Variants in MYRFL observed in about 807,000 individuals in gnomAD.
The protein encoded by MYRFL is myelin regulatory factor-like protein.
In MYRFL, 88 loss-of-function variants were observed where a neutral mutation model predicts 109.4. The ratio of observed to expected loss-of-function variants is 0.80; its 90% CI spans 0.68 to 0.96. The LOEUF (loss-of-function observed/expected upper bound fraction) is 0.96, where lower values mean the gene tolerates loss of function less well. Among genes scored for constraint, MYRFL ranks in the 40% least tolerant of loss-of-function variants. The pLI is 0.00. For missense variants in MYRFL, 957 were observed against 954.9 expected (o/e 1.00, Z -0.03); for synonymous variants, 324 against 320.9 (o/e 1.01, Z -0.10).
rs71098067 is a variant in MYRFL at position 69,936,078 on chromosome 12, GTTTTTTTTTTTTT to G, written c.1917-18_1917-6del. The stretch of plus-strand genomic sequence containing the variant: ...TCTGGAAACAAATCTGCCACATAAT[GTTTTTTTTTTTTT>G]TTTTTTTTTTTTTTTTGACAGTGCT... On this transcript the variant is annotated intron_variant, in intron 16 of 24. Transcript: ENST00000552032. 376 of 893,920 alleles carry G rather than the reference GTTTTTTTTTTTTT, an allele frequency of 4.2e-4. 1 individual carries two copies. Among genetic ancestry groups the G allele is most frequent in the African/African-American group, 2.4e-3 (80 of 32,754 alleles). The allele number at this position is 893,920 out of a possible 1,614,324, so 55.4% of individuals were successfully genotyped here.
chr12:69,874,999 CATTT>C (rs1312957842), intron 2 of MYRFL, among the ~76,000 whole-genome samples: 4 of 149,000 alleles, frequency 2.7e-5, no homozygotes, highest in African/African-American at 9.8e-5. Flanking sequence ...AAGATATATA[CATTT>C]ATATCTTTAA....
intron 19 of MYRFL, among the ~76,000 whole-genome samples, chr12:69,939,177 G>A (rs1280339738): frequency 4.0e-4 from 60 of 150,318 alleles, no homozygotes; most frequent in South Asian, 8.7e-4. Context: ...GCTCGAACTG[G>A]GTGGAGCCCA....
At chr12:69,927,266 A>G (rs1955127198) in intron 14 of MYRFL, among the ~76,000 whole-genome samples, 2 of 152,024 alleles carry the variant, frequency 1.3e-5, no homozygotes, top group South Asian at 2.1e-4. Context: ...TTAAAAGTGG[A>G]AAAAAACCAT....
intron 2 of MYRFL, among the ~76,000 whole-genome samples, chr12:69,869,534 T>C (rs1885216008): frequency 6.6e-6 from 1 of 152,174 alleles, no homozygotes; most frequent in Non-Finnish European, 1.5e-5. Context: ...GATATATGGA[T>C]TTATATATAC....
intron 1 of MYRFL, among the ~76,000 whole-genome samples, chr12:69,849,694 A>G (rs1015236126): frequency 6.6e-6 from 1 of 152,208 alleles, no homozygotes; most frequent in Non-Finnish European, 1.5e-5. Flanking sequence ...TTGTCATTTC[A>G]GACTTTCTCT....
rs1886487089 is a variant in MYRFL, at chr12:69,886,855, C to T, written c.592C>T (p.Pro198Ser). Reference sequence around the variant, plus strand: ...GAGTCGCAGCAGTGAAGTCCAGGACCCTGACAGTGAGGGACAGAACAGAAT... The same window carrying T: ...GAGTCGCAGCAGTGAAGTCCAGGACTCTGACAGTGAGGGACAGAACAGAAT... ...SRSRSSEVQDPDSEGQNRMPT... is the reference protein window; with the variant it reads ...SRSRSSEVQDSDSEGQNRMPT... The change falls in exon 6 of 25, where the codon CCT (proline) becomes TCT (serine). Residue 198 changes from proline (P) to serine (S), a missense_variant. Transcript: ENST00000552032. 1 of 1,535,880 alleles carries T rather than the reference C, an allele frequency of 6.5e-7. No homozygotes were observed. The highest frequency in any genetic ancestry group is 8.7e-7 in the Non-Finnish European group (1 of 1,146,714).
At chr12:69,915,970 T>C (rs1182350903) in intron 13 of MYRFL, among the ~76,000 whole-genome samples, 1 of 152,120 alleles carries the variant, frequency 6.6e-6, no homozygotes, top group Non-Finnish European at 1.5e-5. Flanking sequence ...TGAACCTGTT[T>C]AAAGGTGAGG....
Position 69,879,114 on chromosome 12 carries a change from C to T in MYRFL, c.205+19C>T. On this transcript the variant is annotated intron_variant, in intron 3 of 24. Transcript: ENST00000552032. ...GTCAAAGGTGAGTGCGATCCACCTT[C>T]AGCACATCTGGCACTGTTGCTCTTC... 1.4e-6 allele frequency: 1 copy of T among 702,624 alleles called. No individual in the cohort carries two copies. Among genetic ancestry groups the T allele is most frequent in the East Asian group, 2.7e-5 (1 of 37,278 alleles). The allele number at this position is 702,624 out of a possible 1,614,324, so 43.5% of individuals were successfully genotyped here.
At position 69,955,486 on chromosome 12, in the gene MYRFL, T is replaced by C. The variant is rs140469417; in HGVS notation, c.2450+49T>C. ...AATTTCATTTTTATCATTAGTTGAATATGAAGTCTGGATTTACTTCACAAT... is the reference window on the plus strand; with the variant it reads ...AATTTCATTTTTATCATTAGTTGAACATGAAGTCTGGATTTACTTCACAAT... On this transcript the variant is annotated intron_variant, in intron 22 of 24. Transcript: ENST00000552032. 1,205 of 544,094 alleles carry C rather than the reference T, an allele frequency of 2.2e-3. 8 individuals are homozygous for C. The highest frequency in any genetic ancestry group is 0.021 in the African/African-American group (1,104 of 51,560). 33.7% of individuals were successfully genotyped at this position (544,094 alleles called of 1,614,324 possible). A position where few individuals can be genotyped will look rare whatever the true frequency, so the allele number is the denominator to read the frequency against.
chr12:69,852,882 T>G (rs1180077173), intron 1 of MYRFL, among the ~76,000 whole-genome samples: 1 of 152,092 alleles, frequency 6.6e-6, no homozygotes, highest in Non-Finnish European at 1.5e-5. Flanking sequence ...CAGCACATGT[T>G]TCAGAGAGCA....
At chr12:69,868,607 G>C (rs1489616716) in intron 2 of MYRFL, among the ~76,000 whole-genome samples, 2 of 152,184 alleles carry the variant, frequency 1.3e-5, no homozygotes, top group Non-Finnish European at 2.9e-5. Context: ...CAGTCTGCCA[G>C]CACAGAGCTG....
At chr12:69,884,103 C>T (rs10748140) in intron 5 of MYRFL, among the ~76,000 whole-genome samples, 2 of 151,884 alleles carry the variant, frequency 1.3e-5, no homozygotes, top group Non-Finnish European at 2.9e-5. Context: ...AAATAGTGTA[C>T]TTATGATCTG....
chr12:69,935,806 G>T (rs1955433796), intron 16 of MYRFL: 3 of 374,848 alleles, frequency 8.0e-6, no homozygotes, highest in Non-Finnish European at 1.4e-5. Context: ...GCTTCCTCTT[G>T]TAATCTTCCA....
At chr12:69,835,461 C>T (rs1882876279) in intron 1 of MYRFL, among the ~76,000 whole-genome samples, 1 of 152,204 alleles carries the variant, frequency 6.6e-6, no homozygotes, top group African/African-American at 2.4e-5. Context: ...TTTAACCGCT[C>T]ATAAAAGCAT....
At chr12:69,904,610 T>G (rs547309051) in intron 11 of MYRFL, among the ~76,000 whole-genome samples, 2 of 152,194 alleles carry the variant, frequency 1.3e-5, no homozygotes, top group Non-Finnish European at 2.9e-5. Flanking sequence ...CCAGTTGAAC[T>G]GAATCATCTT....
At chr12:69,863,281 G>A (rs190174843) in intron 2 of MYRFL, among the ~76,000 whole-genome samples, 384 of 152,244 alleles carry the variant, frequency 2.5e-3, no homozygotes, top group Non-Finnish European at 4.7e-3. Flanking sequence ...TGTTAGGGAG[G>A]GTTCCCTCTT....
intron 16 of MYRFL, among the ~76,000 whole-genome samples, chr12:69,933,822 T>TAAGA (rs76981296): frequency 0.055 from 8,392 of 152,220 alleles, 296 homozygotes; most frequent in Middle Eastern, 0.14. Context: ...GGAAAAGTTA[T>TAAGA]AAGAAGTCTA....
At chr12:69,836,137 G>A (rs1191696279) in intron 1 of MYRFL, among the ~76,000 whole-genome samples, 3 of 152,200 alleles carry the variant, frequency 2.0e-5, no homozygotes, top group South Asian at 2.1e-4. Flanking sequence ...TCAGTGGCCC[G>A]GATTGCCCTG....
intron 21 of MYRFL, among the ~76,000 whole-genome samples, chr12:69,954,817 G>GA (rs756938255): frequency 2.0e-5 from 3 of 152,116 alleles, no homozygotes; most frequent in Non-Finnish European, 4.4e-5. Flanking sequence ...GGTGTGGGGG[G>GA]AATCTATGTA....
Sources: gnomAD v4.1 joint callset for allele counts (sites outside exome capture counted in the v4.1 genomes callset) on GRCh38, gnomAD v4.1.1 for gene constraint, MANE v1.5 for transcripts, NCBI Gene and HGNC (gene_info 2026-07-23, HGNC 2026-07-21) for gene names.